Variants in NXPE2 observed in about 807,000 individuals in gnomAD.
NXPE2 encodes neurexophilin and PC-esterase domain family member 2.
NXPE2 carries 34 observed loss-of-function variants against 34.4 expected under a neutral mutation model. That is an observed-to-expected ratio of 0.99 (90% CI 0.75 to 1.31). NXPE2 has a LOEUF of 1.31. NXPE2 is among the 40% of genes most tolerant of loss of function. NXPE2 has a pLI of 0.00. For synonymous variants in NXPE2, 235 were observed against 231.3 expected, an observed-to-expected ratio of 1.02 and a Z score of -0.15; for missense variants, 649 against 672.5, an observed-to-expected ratio of 0.97 and a Z score of 0.39.
At chr11:114,774,875 G>A in the NXPE2 span, among the ~76,000 whole-genome samples, 5 of 152,208 alleles carry the variant, frequency 3.3e-5, no homozygotes, top group Non-Finnish European at 5.9e-5. Flanking sequence ...CCTTGACTGT[G>A]TCTATGAGGA....
At chr11:114,775,231 G>C in the NXPE2 span, among the ~76,000 whole-genome samples, 12 of 152,288 alleles carry the variant, frequency 7.9e-5, no homozygotes, top group Middle Eastern at 6.8e-3. Context: ...GCAGATCTAG[G>C]CCGTACGCTT....
At chr11:114,691,546 T>A (rs79987094) in intron 2 of NXPE2, among the ~76,000 whole-genome samples, 15,180 of 151,378 alleles carry the variant, frequency 0.1, 891 homozygotes, top group Middle Eastern at 0.2. Flanking sequence ...CAGCACACAT[T>A]TACCTTCAGT....
At chr11:114,746,375 A>AAGTTGACTTCT in the NXPE2 span, among the ~76,000 whole-genome samples, 1 of 152,192 alleles carries the variant, frequency 6.6e-6, no homozygotes, top group Non-Finnish European at 1.5e-5. Context: ...CAACTTTTAA[A>AAGTTGACTTCT]ACACCTCGTA....
chr11:114,794,173 C>T, the NXPE2 span, among the ~76,000 whole-genome samples: 34 of 152,182 alleles, frequency 2.2e-4, no homozygotes, highest in Non-Finnish European at 1.0e-4. Context: ...TTCACACTTC[C>T]TGTCCACTTC....
the NXPE2 span, among the ~76,000 whole-genome samples, chr11:114,809,248 G>T: frequency 2.0e-5 from 3 of 151,930 alleles, no homozygotes; most frequent in Admixed American, 2.0e-4. Flanking sequence ...TACTGAATGG[G>T]CAAAAACGGG....
the NXPE2 span, among the ~76,000 whole-genome samples, chr11:114,513,873 T>C: frequency 1.3e-5 from 2 of 152,142 alleles, no homozygotes; most frequent in South Asian, 4.1e-4. Context: ...AAAGACTTTT[T>C]GTAAAAATTC....
the NXPE2 span, among the ~76,000 whole-genome samples, chr11:114,477,503 A>G: frequency 6.6e-6 from 1 of 152,162 alleles, no homozygotes; most frequent in African/African-American, 2.4e-5. Flanking sequence ...ATACCTTAAT[A>G]AAATGGTGGG....
At chr11:114,525,582 T>A in the NXPE2 span, among the ~76,000 whole-genome samples, 4 of 152,094 alleles carry the variant, frequency 2.6e-5, no homozygotes, top group Non-Finnish European at 5.9e-5. Flanking sequence ...CCCTTACTAT[T>A]CTTAAAATTA....
chr11:114,637,473 A>C, the NXPE2 span, among the ~76,000 whole-genome samples: 1,322 of 151,688 alleles, frequency 8.7e-3, 22 homozygotes, highest in African/African-American at 0.031. Context: ...ATTTAAAGTT[A>C]ATATTGTTAT....
the NXPE2 span, among the ~76,000 whole-genome samples, chr11:114,639,138 C>A: frequency 3.9e-5 from 6 of 152,208 alleles, no homozygotes; most frequent in African/African-American, 1.4e-4. Flanking sequence ...AGCTTCCCGG[C>A]TGCTTTGTTT....
At chr11:114,529,610 C>G in the NXPE2 span, 1 of 153,396 alleles carries the variant, frequency 6.5e-6, no homozygotes, top group East Asian at 1.9e-4. Context: ...AAGAAGGACT[C>G]CTCCACCCTG....
chr11:114,641,512 T>C, the NXPE2 span, among the ~76,000 whole-genome samples: 1 of 151,956 alleles, frequency 6.6e-6, no homozygotes, highest in Non-Finnish European at 1.5e-5. Flanking sequence ...CCAAATTATA[T>C]TGAGAGGGAA....
At chr11:114,684,294 G>A (rs1951003125) in intron 2 of NXPE2, among the ~76,000 whole-genome samples, 1 of 152,042 alleles carries the variant, frequency 6.6e-6, no homozygotes. Flanking sequence ...GGGCGTGGTG[G>A]TGGGCGCCTG....
At chr11:114,756,711 A>G in the NXPE2 span, among the ~76,000 whole-genome samples, 1 of 152,150 alleles carries the variant, frequency 6.6e-6, no homozygotes, top group Non-Finnish European at 1.5e-5. Flanking sequence ...AAAAACCTAT[A>G]CCTTAAAGTA....
At chr11:114,790,395 C>T in the NXPE2 span, among the ~76,000 whole-genome samples, 1 of 152,174 alleles carries the variant, frequency 6.6e-6, no homozygotes, top group Non-Finnish European at 1.5e-5. Flanking sequence ...CTATCATTTA[C>T]TTAGCACTCT....
At chr11:114,715,875 C>A in the NXPE2 span, among the ~76,000 whole-genome samples, 1 of 152,148 alleles carries the variant, frequency 6.6e-6, no homozygotes. Flanking sequence ...TTTCCACATG[C>A]CTGTGTACCA....
the NXPE2 span, among the ~76,000 whole-genome samples, chr11:114,500,708 T>C: frequency 6.6e-6 from 1 of 152,184 alleles, no homozygotes; most frequent in African/African-American, 2.4e-5. Context: ...TAAATTTGTT[T>C]TCTTCTTGCA....
At chr11:114,730,501 A>C in the NXPE2 span, among the ~76,000 whole-genome samples, 8 of 152,310 alleles carry the variant, frequency 5.3e-5, no homozygotes, top group Admixed American at 5.2e-4. Flanking sequence ...CAGTATGGCC[A>C]TTTTAACAAT....
chr11:114,488,748 A>G, the NXPE2 span, among the ~76,000 whole-genome samples: 3 of 152,236 alleles, frequency 2.0e-5, no homozygotes, highest in Non-Finnish European at 4.4e-5. Flanking sequence ...TGCCCACAAG[A>G]GAAAGCAGGA....
Sources: allele counts gnomAD v4.1 joint callset (sites outside exome capture counted in the v4.1 genomes callset), GRCh38; gene constraint gnomAD v4.1.1; transcripts MANE v1.5; gene names NCBI Gene and HGNC (gene_info 2026-07-23, HGNC 2026-07-21).